F9: variants seen among roughly 807,000 people sequenced by gnomAD.
F9 encodes coagulation factor IX.
F9 carries 2 observed loss-of-function variants against 34.1 expected under a neutral mutation model. The ratio of observed to expected loss-of-function variants is 0.06; its 90% CI spans 0.02 to 0.18. F9 has a LOEUF of 0.18. Ranked by LOEUF, F9 falls within the 10% of genes least tolerant of loss-of-function variation. The pLI, the probability that F9 is intolerant of heterozygous loss-of-function variation, is 1.00. For missense variants in F9, 216 were observed against 345.1 expected, an observed-to-expected ratio of 0.63 and a Z score of 2.96; for synonymous variants, 137 against 118.8, an observed-to-expected ratio of 1.15 and a Z score of -1.00.
intron 2 of F9, 34 bp from the exon 3 acceptor site, chrX:139,537,327 AT>A (rs1410558098): frequency 8.6e-7 from 1 of 1,165,986 alleles, no homozygotes; most frequent in African/African-American, 1.8e-5. Context: ...CACTTTAGAT[AT>A]TACCGTTAAT....
intron 3 of F9, among the ~76,000 whole-genome samples, chrX:139,538,295 G>T (rs1927530002): frequency 8.9e-6 from 1 of 111,971 alleles, no homozygotes; most frequent in Non-Finnish European, 1.9e-5. Flanking sequence ...TTGACCAAAA[G>T]AAGGAAAACT....
chrX:139,535,734 T>C (rs1197817186), intron 1 of F9, among the ~76,000 whole-genome samples: 1 of 111,303 alleles, frequency 9.0e-6, no homozygotes, highest in Admixed American at 9.6e-5. Context: ...CACATATATG[T>C]ATATACATGA....
intron 5 of F9, 139 bp downstream of exon 5, chrX:139,548,630 C>A: frequency 1.7e-6 from 1 of 596,431 alleles, no homozygotes; most frequent in Non-Finnish European, 2.5e-6. Flanking sequence ...TGAATTAGAC[C>A]AATTAATTTT....
chrX:139,534,753 G>T (rs191379636), intron 1 of F9, among the ~76,000 whole-genome samples: 25 of 111,608 alleles, frequency 2.2e-4, no homozygotes, highest in Non-Finnish European at 9.4e-5. Context: ...TTTGCAGGGG[G>T]TCTTGCCACC....
intron 4 of F9, chrX:139,544,611 A>G (rs1233553995): frequency 1.8e-5 from 2 of 111,765 alleles, no homozygotes; most frequent in African/African-American, 6.5e-5. Flanking sequence ...AAAACCATAC[A>G]GTCACTCTGT....
At chrX:139,542,535 C>T (rs1415687828) in intron 4 of F9, among the ~76,000 whole-genome samples, 2 of 111,684 alleles carry the variant, frequency 1.8e-5, no homozygotes, top group East Asian at 5.6e-4. Flanking sequence ...TCTAGAAATC[C>T]TTGGAGTAGT....
chrX:139,561,451 C>G, intron 7 of F9, 73 bp from the exon 8 acceptor site: 1 of 946,953 alleles, frequency 1.1e-6, no homozygotes, highest in Non-Finnish European at 1.5e-6. Context: ...GTCAGTGGTC[C>G]CAAGTAGTCA....
chrX:139,534,464 C>T (rs1382150388), intron 1 of F9, among the ~76,000 whole-genome samples: 1 of 111,773 alleles, frequency 8.9e-6, no homozygotes, highest in Non-Finnish European at 1.9e-5. Context: ...GTCAGCTCTC[C>T]TTGTGAGTTC....
At chrX:139,550,544 A>C (rs999132179) in intron 5 of F9, among the ~76,000 whole-genome samples, 1 of 111,756 alleles carries the variant, frequency 8.9e-6, no homozygotes, top group African/African-American at 3.3e-5. Flanking sequence ...TTGAAGCCCA[A>C]ATAATTGAAT....
intron 1 of F9, among the ~76,000 whole-genome samples, chrX:139,531,398 G>A (rs1194175322): frequency 8.9e-6 from 1 of 111,804 alleles, no homozygotes; most frequent in Non-Finnish European, 1.9e-5. Context: ...AAAACATAAA[G>A]ATTAACCTTT....
At chrX:139,533,023 G>C (rs1569481697) in intron 1 of F9, among the ~76,000 whole-genome samples, 1 of 111,545 alleles carries the variant, frequency 9.0e-6, no homozygotes. Flanking sequence ...AAATGATAGT[G>C]GGGGAGGGGG....
chrX:139,548,465 A>T lies in F9; in HGVS notation c.494A>T (p.Glu165Val). Residue 165 changes from glutamate to valine, a missense_variant, in exon 5 of 8, where the codon GAA (glutamate) becomes GTA (valine). Physicochemically the swap from Glu to Val is moderately radical, Grantham distance 121. Coordinates refer to ENST00000218099, the MANE Select transcript of F9 (RefSeq NM_000133.4). ...TGTACTGAGGGATATCGACTTGCAG[A>T]AAACCAGAAGTCCTGTGAACCAGCA... Reference protein sequence around the residue: ...CSCTEGYRLAENQKSCEPAVP... With the variant: ...CSCTEGYRLAVNQKSCEPAVP... 1.7e-6 allele frequency: 2 copies of T among 1,210,841 alleles called. No homozygotes were observed. The highest frequency in any genetic ancestry group is 3.5e-5 in the South Asian group (2 of 56,790).
At position 139,548,413 on chromosome X, in the gene F9, A is replaced by G. The variant is rs1335968397; in HGVS notation, c.442A>G (p.Ser148Gly). 8.3e-7 allele frequency: 1 copy of G among 1,210,589 alleles called. No homozygotes were observed. Among genetic ancestry groups the G allele is most frequent in the East Asian group, 3.0e-5 (1 of 33,808 alleles). Residue 148 changes from serine to glycine, a missense_variant, in exon 5 of 8, where the codon AGT (serine) becomes GGT (glycine). This residue lies in a region of F9 where 177 missense variants were observed against 311.8 expected (regional missense o/e 0.57). Coordinates refer to ENST00000218099, the MANE Select transcript of F9 (RefSeq NM_000133.4). ...CAGATGCGAGCAGTTTTGTAAAAATAGTGCTGATAACAAGGTGGTTTGCTC... is the reference window on the plus strand; with the variant it reads ...CAGATGCGAGCAGTTTTGTAAAAATGGTGCTGATAACAAGGTGGTTTGCTC... ...NGRCEQFCKN[S>G]ADNKVVCSCT...
At chrX:139,533,973 C>A (rs1927400381) in intron 1 of F9, among the ~76,000 whole-genome samples, 2 of 111,642 alleles carry the variant, frequency 1.8e-5, no homozygotes, top group South Asian at 7.6e-4. Context: ...AAGCGGGGAA[C>A]CAGAATAGAG....
intron 7 of F9, 53 bp from the exon 8 acceptor site, chrX:139,561,471 T>A: frequency 9.3e-7 from 1 of 1,077,009 alleles, no homozygotes; most frequent in Non-Finnish European, 1.3e-6. Flanking sequence ...ACTTAGAAAA[T>A]CTGTGTATGT....
intron 6 of F9, 72 bp downstream of exon 6, chrX:139,551,336 C>G (rs1482297815): frequency 1.5e-5 from 14 of 915,243 alleles, no homozygotes; most frequent in Non-Finnish European, 1.6e-6. Context: ...GAGACTGAGG[C>G]TATTTTACTA....
intron 4 of F9, among the ~76,000 whole-genome samples, chrX:139,543,274 A>G (rs1927643812): frequency 9.0e-6 from 1 of 111,203 alleles, no homozygotes; most frequent in Non-Finnish European, 1.9e-5. Flanking sequence ...AAGAATATTA[A>G]TTGGCTATTG....
intron 4 of F9, chrX:139,547,810 T>C (rs1479190454): frequency 8.9e-6 from 1 of 112,386 alleles, no homozygotes; most frequent in Non-Finnish European, 1.9e-5. Flanking sequence ...AAATGTTAAA[T>C]GAAAGACACA....
At chrX:139,554,606 G>A (rs4149720) in intron 6 of F9, among the ~76,000 whole-genome samples, 1 of 112,368 alleles carries the variant, frequency 8.9e-6, no homozygotes, top group Admixed American at 9.4e-5. Flanking sequence ...CCATGTCATG[G>A]TTAATCTGCA....
Sources: allele counts gnomAD v4.1 joint callset (sites outside exome capture counted in the v4.1 genomes callset), GRCh38; gene constraint gnomAD v4.1.1; regional missense constraint gnomAD v4.1.1; transcripts MANE v1.5; gene names NCBI Gene and HGNC (gene_info 2026-07-23, HGNC 2026-07-21).